MMP16: variants seen among roughly 807,000 people sequenced by gnomAD.
MMP16 encodes the protein matrix metallopeptidase 16.
MMP16 carries 12 observed loss-of-function variants against 67.8 expected under a neutral mutation model. The ratio of observed to expected loss-of-function variants is 0.18; its 90% CI spans 0.11 to 0.29. MMP16 has a LOEUF of 0.29. MMP16 is among the 10% of genes least tolerant of loss of function. MMP16 has a pLI of 1.00. For missense variants in MMP16, 475 were observed against 765.7 expected (o/e 0.62, Z 4.48); for synonymous variants, 249 against 255.9 (o/e 0.97, Z 0.26).
intron 7 of MMP16, among the ~76,000 whole-genome samples, chr8:88,056,815 T>C (rs1426903579): frequency 6.6e-6 from 1 of 152,186 alleles, no homozygotes; most frequent in Non-Finnish European, 1.5e-5. Context: ...TGCCCTCTTA[T>C]AACTGTTAAC....
chr8:88,116,753 T>A, intron 5 of MMP16, 35 bp from the exon 6 acceptor site: 1 of 1,575,948 alleles, frequency 6.3e-7, no homozygotes, highest in Non-Finnish European at 8.7e-7. Context: ...TTGGCTCACT[T>A]AAAACTGGAA....
intron 1 of MMP16, among the ~76,000 whole-genome samples, chr8:88,262,704 T>G (rs1371550263): frequency 1.3e-5 from 2 of 151,968 alleles, no homozygotes; most frequent in Non-Finnish European, 2.9e-5. Context: ...TGGAGTAAGT[T>G]AAAGTTTTTG....
At chr8:88,054,841 T>C (rs181048479) in intron 8 of MMP16, among the ~76,000 whole-genome samples, 1 of 152,268 alleles carries the variant, frequency 6.6e-6, no homozygotes, top group East Asian at 1.9e-4. Flanking sequence ...CTTACTTTTC[T>C]CCTAAAGTTG....
chr8:88,302,587 A>C (rs1160653068), intron 1 of MMP16, among the ~76,000 whole-genome samples: 1 of 152,200 alleles, frequency 6.6e-6, no homozygotes, highest in Non-Finnish European at 1.5e-5. Context: ...AAAATAACAG[A>C]GAAAAGAAGG....
rs1335678669 is a variant in MMP16, at chr8:88,041,169, G to T, written c.*292C>A. The T allele has an allele frequency of 3.5e-6, 1 of 286,402 alleles. No individual in the cohort carries two copies. Among genetic ancestry groups the T allele is most frequent in the African/African-American group, 2.2e-5 (1 of 45,860 alleles). The allele number at this position is 286,402 out of a possible 1,614,324, so 17.7% of individuals were successfully genotyped here. ...TTTCTTCTTTTTCTCCTCTTCTTTA[G>T]TTAATCCTGAAATTTTACTGGGCAT... On this transcript the variant is annotated 3_prime_UTR_variant, in exon 10 of 10. Transcript: ENST00000286614. This position sits in a 1 kb window ranked among gnomAD's most constrained non-coding sequence, Gnocchi z 6.0.
intron 4 of MMP16, among the ~76,000 whole-genome samples, chr8:88,149,152 C>G (rs12674820): frequency 0.37 from 55,554 of 152,092 alleles, 10,469 homozygotes; most frequent in East Asian, 0.48. Flanking sequence ...GCTTTTCAGA[C>G]GGGCTTAAAA....
At chr8:88,250,590 A>C (rs1014627331) in intron 1 of MMP16, among the ~76,000 whole-genome samples, 1 of 151,946 alleles carries the variant, frequency 6.6e-6, no homozygotes, top group Non-Finnish European at 1.5e-5. Context: ...ATCATGAACA[A>C]TATCTATCCT....
intron 1 of MMP16, among the ~76,000 whole-genome samples, chr8:88,217,784 T>C (rs1809617812): frequency 6.6e-6 from 1 of 151,988 alleles, no homozygotes. Flanking sequence ...GTGAGAAAAA[T>C]AGAAATTAAC....
At chr8:88,268,769 T>C (rs1810519277) in intron 1 of MMP16, among the ~76,000 whole-genome samples, 1 of 152,216 alleles carries the variant, frequency 6.6e-6, no homozygotes, top group African/African-American at 2.4e-5. Context: ...GTGTTCCCCC[T>C]TATACCAATA....
At chr8:88,159,298 G>A (rs929255077) in intron 4 of MMP16, among the ~76,000 whole-genome samples, 6 of 152,134 alleles carry the variant, frequency 3.9e-5, no homozygotes, top group Admixed American at 3.3e-4. Context: ...CTATCCATGG[G>A]CATGGAAAGT....
rs956646855 is a variant in MMP16, at chr8:88,036,479, C to T, written c.*4982G>A. On this transcript the variant is annotated 3_prime_UTR_variant, in exon 10 of 10. Coordinates refer to ENST00000286614, the MANE Select transcript of MMP16 (RefSeq NM_005941.5). ...TTGTTGCGTTGCTATTCCTGGTTGC[C>T]GCTTTATTTATTACATAAAATTCTA... 5.9e-5 allele frequency: 9 copies of T among 151,500 alleles called. No individual in the cohort carries two copies. In the East Asian group the frequency reaches 9.7e-4, roughly 16 times the overall value. 9.4% of individuals were successfully genotyped at this position (151,500 alleles called of 1,614,324 possible).
chr8:88,143,617 G>C (rs1808247076), intron 4 of MMP16, among the ~76,000 whole-genome samples: 1 of 151,928 alleles, frequency 6.6e-6, no homozygotes, highest in East Asian at 1.9e-4. Context: ...TGCAAAGGAA[G>C]GTGTAAAGTT....
At position 88,049,737 on chromosome 8, in the gene MMP16, AC is replaced by A. The variant is rs548634441; in HGVS notation, c.1374-2954del. On this transcript the variant is annotated intron_variant, in intron 8 of 9. Transcript: ENST00000286614. Reference sequence around the variant, plus strand: ...TTTTAAATTCTAACTTAAAATTTGGACTAGGGCCAGGTGTGGTGACTCACAC... The same window carrying A: ...TTTTAAATTCTAACTTAAAATTTGGATAGGGCCAGGTGTGGTGACTCACAC... Among the ~76,000 whole-genome samples, 289 of 152,314 alleles carry A rather than the reference AC, an allele frequency of 1.9e-3. 1 individual carries two copies. The highest frequency in any genetic ancestry group is 3.1e-3 in the Admixed American group (48 of 15,304).
At chr8:88,208,546 A>G (rs534055261) in intron 1 of MMP16, among the ~76,000 whole-genome samples, 2 of 152,272 alleles carry the variant, frequency 1.3e-5, no homozygotes, top group South Asian at 4.1e-4. Context: ...ACATCTTATC[A>G]GGGGGTCATA....
chr8:88,095,881 G>C (rs781766090), intron 6 of MMP16, among the ~76,000 whole-genome samples: 1 of 151,920 alleles, frequency 6.6e-6, no homozygotes, highest in Non-Finnish European at 1.5e-5. Flanking sequence ...CTAGGCATTG[G>C]AAATGGAGTA....
intron 1 of MMP16, among the ~76,000 whole-genome samples, chr8:88,251,479 T>A (rs1389951670): frequency 7.0e-6 from 1 of 143,188 alleles, no homozygotes; most frequent in South Asian, 2.3e-4. Context: ...TTACACCTTA[T>A]ACAAAAATCA....
intron 1 of MMP16, among the ~76,000 whole-genome samples, chr8:88,317,879 A>T (rs1461791550): frequency 6.6e-6 from 1 of 152,164 alleles, no homozygotes; most frequent in Admixed American, 6.5e-5. Context: ...CTATTCTCAA[A>T]CAGTGAGGAG....
chr8:88,062,191 C>A (rs899626419), intron 7 of MMP16, among the ~76,000 whole-genome samples: 1 of 151,858 alleles, frequency 6.6e-6, no homozygotes, highest in African/African-American at 2.4e-5. Flanking sequence ...TATGAAAAAA[C>A]TGAAATGGTT....
chr8:88,226,703 C>A (rs534348030), intron 1 of MMP16, among the ~76,000 whole-genome samples: 1 of 151,940 alleles, frequency 6.6e-6, no homozygotes, highest in African/African-American at 2.4e-5. Flanking sequence ...CAAAAGCCAG[C>A]TCTTGTGTCC....
Sources: gnomAD v4.1 joint callset for allele counts (sites outside exome capture counted in the v4.1 genomes callset) on GRCh38, gnomAD v4.1.1 for gene constraint, Gnocchi (gnomAD v3.1) non-coding constraint, MANE v1.5 for transcripts, NCBI Gene and HGNC (gene_info 2026-07-23, HGNC 2026-07-21) for gene names.